Variants in PSMF1 observed in about 807,000 individuals in gnomAD.
PSMF1 encodes proteasome inhibitor subunit 1, also known as proteasome inhibitor PI31 subunit.
Under a neutral mutation model 29.3 loss-of-function variants are expected in PSMF1, and 30 were observed. That is an observed-to-expected ratio of 1.02 (90% CI 0.77 to 1.39). PSMF1 has a LOEUF of 1.39. Among genes scored for constraint, PSMF1 ranks in the 40% most tolerant of loss-of-function variants. The pLI, the probability that PSMF1 is intolerant of heterozygous loss-of-function variation, is 0.00. For missense variants in PSMF1, 344 were observed against 357.5 expected, an observed-to-expected ratio of 0.96 and a Z score of 0.31; for synonymous variants, 134 against 139.7, an observed-to-expected ratio of 0.96 and a Z score of 0.29.
intron 4 of PSMF1, among the ~76,000 whole-genome samples, chr20:1,147,967 G>A (rs576629950): frequency 2.2e-4 from 33 of 152,280 alleles, no homozygotes; most frequent in African/African-American, 4.8e-4. Flanking sequence ...GCTGGCGCTC[G>A]GAGCAGAAAT....
intron 4 of PSMF1, among the ~76,000 whole-genome samples, chr20:1,152,517 GCATATAACC>G (rs1375342146): frequency 6.6e-6 from 1 of 152,248 alleles, no homozygotes; most frequent in Non-Finnish European, 1.5e-5. Context: ...ACAGTCCGAT[GCATATAACC>G]CATGGGGCCA....
In PSMF1 at chr20:1,168,279, C is replaced by T. The variant is rs2086755349; in HGVS notation, c.*3199C>T. ...CTCTAGAGAAAGTTCTCATGACCTT[C>T]AGGTCTAATGAGATTCAGATCATCA... On this transcript the variant is annotated 3_prime_UTR_variant, in exon 7 of 7. Coordinates refer to ENST00000335877, the MANE Select transcript of PSMF1 (RefSeq NM_006814.5). The T allele has an allele frequency of 6.6e-6, 1 of 152,218 alleles. No homozygotes were observed. Among genetic ancestry groups the T allele is most frequent in the Non-Finnish European group, 1.5e-5 (1 of 68,050 alleles). 9.4% of individuals were successfully genotyped at this position (152,218 alleles called of 1,614,324 possible). A position where few individuals can be genotyped will look rare whatever the true frequency, so the allele number is the denominator to read the frequency against.
intron 3 of PSMF1, among the ~76,000 whole-genome samples, chr20:1,133,569 A>ATATATATATATATATATATATTTTTTTTT: frequency 5.6e-5 from 3 of 53,300 alleles, no homozygotes; most frequent in East Asian, 3.1e-4. Context: ...ATATATATAT[A>ATATATATATATATATATATATTTTTTTTT]TTTTTTTTTT....
chr20:1,126,372 T>TC (rs1481790465), intron 2 of PSMF1, among the ~76,000 whole-genome samples: 2 of 152,232 alleles, frequency 1.3e-5, no homozygotes, highest in East Asian at 1.9e-4. Context: ...TGCTTTTTTT[T>TC]CACTCGGTGT....
chr20:1,170,038 C>T lies in PSMF1; in HGVS notation c.*4958C>T, dbSNP rs1184261963. Among the ~76,000 whole-genome samples, 1 of 152,164 alleles carries T rather than the reference C, an allele frequency of 6.6e-6. No individual in the cohort carries two copies. The highest frequency in any genetic ancestry group is 1.5e-5 in the Non-Finnish European group (1 of 68,036). ...CCAATCTAGATCTCAAGGGAACGGCCTTCAGATCCATTTTTGACAAGTTCC... is the reference window on the plus strand; with the variant it reads ...CCAATCTAGATCTCAAGGGAACGGCTTTCAGATCCATTTTTGACAAGTTCC... On this transcript the variant is annotated 3_prime_UTR_variant, in exon 7 of 7. Transcript: ENST00000335877.
chr20:1,165,384 A>C lies in PSMF1; in HGVS notation c.*304A>C. On this transcript the variant is annotated 3_prime_UTR_variant, in exon 7 of 7. Coordinates refer to ENST00000335877, the MANE Select transcript of PSMF1 (RefSeq NM_006814.5). ...ACTCCGGCAACCTTCAGCAACATAT[A>C]TCCTCGACCAGATGCAGTGCTATAA... 7.7e-7 allele frequency: 1 copy of C among 1,295,278 alleles called. No homozygotes were observed. 80.2% of individuals were successfully genotyped at this position (1,295,278 alleles called of 1,614,324 possible).
At chr20:1,160,071 A>G (rs1278100381) in intron 4 of PSMF1, among the ~76,000 whole-genome samples, 1 of 152,026 alleles carries the variant, frequency 6.6e-6, no homozygotes, top group Admixed American at 6.6e-5. Context: ...TATTATATCC[A>G]TATCCCTATG....
upstream of PSMF1, chr20:1,118,524 C>A (rs2086035315): frequency 1.1e-5 from 4 of 374,346 alleles, no homozygotes; most frequent in South Asian, 6.4e-5. Flanking sequence ...CACTCCCTGG[C>A]GGAACCTTTC....
At chr20:1,160,796 C>A in intron 4 of PSMF1, 1 of 431,732 alleles carries the variant, frequency 2.3e-6, no homozygotes, top group South Asian at 1.9e-5. Context: ...AGTACCCCAT[C>A]GAGCACAGGA....
chr20:1,156,572 A>C (rs2086597250), intron 4 of PSMF1, among the ~76,000 whole-genome samples: 1 of 152,246 alleles, frequency 6.6e-6, no homozygotes, highest in Non-Finnish European at 1.5e-5. Context: ...ATTTCTCATC[A>C]GAAATCTTGG....
chr20:1,131,706 T>C (rs1326123595), intron 3 of PSMF1, among the ~76,000 whole-genome samples: 1 of 152,250 alleles, frequency 6.6e-6, no homozygotes, highest in Non-Finnish European at 1.5e-5. Context: ...TGTGATTTGC[T>C]AAGAAATATA....
intron 1 of PSMF1, among the ~76,000 whole-genome samples, chr20:1,124,564 G>A (rs111260294): frequency 7.3e-3 from 2 of 274 alleles, no homozygotes; most frequent in Non-Finnish European, 0.025. Flanking sequence ...ATTTATCCAC[G>A]TGTACCAGAT....
At chr20:1,159,166 ATGT>A (rs1207021231) in intron 4 of PSMF1, among the ~76,000 whole-genome samples, 2 of 152,062 alleles carry the variant, frequency 1.3e-5, no homozygotes, top group Admixed American at 1.3e-4. Context: ...CCAACTGAAT[ATGT>A]TGTTACAGTT....
intron 3 of PSMF1, among the ~76,000 whole-genome samples, chr20:1,128,359 C>G (rs1250237266): frequency 1.3e-5 from 2 of 152,262 alleles, no homozygotes; most frequent in South Asian, 2.1e-4. Flanking sequence ...TTCTCTTATT[C>G]CATACTTATA....
At chr20:1,157,780 G>A (rs749783498) in intron 4 of PSMF1, among the ~76,000 whole-genome samples, 19 of 151,268 alleles carry the variant, frequency 1.3e-4, no homozygotes, top group Non-Finnish European at 2.1e-4. Context: ...TCCTGGTGGA[G>A]TGACCCAAAA....
chr20:1,125,961 T>G (rs765619853), intron 2 of PSMF1: 9 of 503,542 alleles, frequency 1.8e-5, no homozygotes, highest in Non-Finnish European at 3.1e-5. Context: ...CTTCAGTTCC[T>G]TAAATAAATT....
intron 1 of PSMF1, 150 bp from the exon 2 acceptor site, chr20:1,125,348 C>T (rs1013401260): frequency 1.4e-5 from 11 of 799,910 alleles, no homozygotes; most frequent in East Asian, 2.8e-5. Flanking sequence ...ACCTCTCTCT[C>T]GCTGTAGGAT....
chr20:1,143,888 C>T (rs1340898212), intron 4 of PSMF1, among the ~76,000 whole-genome samples: 3 of 152,062 alleles, frequency 2.0e-5, no homozygotes, highest in African/African-American at 7.2e-5. Flanking sequence ...GCCAGGAATT[C>T]GAGATCAGCC....
chr20:1,125,837 C>T (rs533403195), intron 2 of PSMF1, 187 bp downstream of exon 2: 110 of 774,466 alleles, frequency 1.4e-4, no homozygotes, highest in South Asian at 1.1e-3. Flanking sequence ...CAAAGGTATC[C>T]ACCACCTGGA....
Sources: allele counts gnomAD v4.1 joint callset (sites outside exome capture counted in the v4.1 genomes callset), GRCh38; gene constraint gnomAD v4.1.1; transcripts MANE v1.5; gene names NCBI Gene and HGNC (gene_info 2026-07-23, HGNC 2026-07-21).